Variants in MRPS5 observed in about 807,000 individuals in gnomAD.
MRPS5 encodes the protein small ribosomal subunit protein uS5m.
MRPS5 carries 27 observed loss-of-function variants against 51.9 expected under a neutral mutation model. The observed-to-expected ratio is 0.52, with a 90% CI of 0.38 to 0.72. The LOEUF (loss-of-function observed/expected upper bound fraction) is 0.72. Ranked by LOEUF, MRPS5 falls within the 30% of genes least tolerant of loss-of-function variation. The pLI is 0.00. For missense variants in MRPS5, 570 were observed against 545.7 expected, an observed-to-expected ratio of 1.04 and a Z score of -0.44; for synonymous variants, 196 against 193.2, an observed-to-expected ratio of 1.01 and a Z score of -0.12.
At chr2:95,097,950 C>G (rs567959169) in intron 10 of MRPS5, among the ~76,000 whole-genome samples, 2 of 152,316 alleles carry the variant, frequency 1.3e-5, no homozygotes, top group South Asian at 4.1e-4. Context: ...ATCTACCCAT[C>G]TGACAAAAGG....
intron 5 of MRPS5, among the ~76,000 whole-genome samples, chr2:95,107,521 G>T (rs1345878887): frequency 2.6e-5 from 4 of 152,126 alleles, no homozygotes; most frequent in Admixed American, 6.6e-5. Context: ...CCTCCTGACT[G>T]AAGCATTTTG....
intron 10 of MRPS5, chr2:95,092,969 G>C (rs1203976109): frequency 6.6e-6 from 1 of 152,254 alleles, no homozygotes; most frequent in African/African-American, 2.4e-5. Context: ...AGCTGTGACA[G>C]ACTGTACCGG....
chr2:95,113,833 A>G (rs916849483), intron 3 of MRPS5, among the ~76,000 whole-genome samples: 1 of 152,046 alleles, frequency 6.6e-6, no homozygotes, highest in Non-Finnish European at 1.5e-5. Flanking sequence ...CATTAAAAAA[A>G]GCAGAAGGCC....
At chr2:95,121,541 G>A (rs1374984649) in intron 1 of MRPS5, among the ~76,000 whole-genome samples, 193 bp downstream of exon 1, 1 of 152,192 alleles carries the variant, frequency 6.6e-6, no homozygotes, top group Non-Finnish European at 1.5e-5. Context: ...TTACAGACAA[G>A]AGCTCCGCGA....
intron 2 of MRPS5, among the ~76,000 whole-genome samples, chr2:95,115,456 C>T (rs1676258553): frequency 6.6e-6 from 1 of 152,160 alleles, no homozygotes; most frequent in African/African-American, 2.4e-5. Flanking sequence ...CAGATTTGTC[C>T]ATACCGCAGT....
At chr2:95,112,479 T>C (rs1420740984) in intron 3 of MRPS5, among the ~76,000 whole-genome samples, 1 of 152,226 alleles carries the variant, frequency 6.6e-6, no homozygotes, top group Non-Finnish European at 1.5e-5. Context: ...GATTGCTAAT[T>C]TGAATCAAAG....
chr2:95,088,975 G>A (rs541169451), intron 11 of MRPS5, among the ~76,000 whole-genome samples: 104 of 152,242 alleles, frequency 6.8e-4, no homozygotes, highest in African/African-American at 1.9e-3. Context: ...GCTGAGGCAG[G>A]AGAATCGCTT....
chr2:95,090,728 A>G, intron 10 of MRPS5: 1 of 545,768 alleles, frequency 1.8e-6, no homozygotes, highest in South Asian at 2.5e-5. Context: ...AAGGATTAAG[A>G]AGATGACATC....
chr2:95,101,898 A>C, intron 7 of MRPS5, 175 bp from the exon 8 acceptor site: 1 of 572,056 alleles, frequency 1.7e-6, no homozygotes, highest in Non-Finnish European at 3.1e-6. Context: ...TCACATCCGT[A>C]ATCTCAGCAC....
intron 11 of MRPS5, among the ~76,000 whole-genome samples, chr2:95,089,507 T>C (rs1377339743): frequency 1.3e-5 from 2 of 152,118 alleles, no homozygotes; most frequent in Non-Finnish European, 2.9e-5. Context: ...TGCCCAAGAA[T>C]GGGGGCCCGG....
intron 3 of MRPS5, among the ~76,000 whole-genome samples, chr2:95,111,829 G>A (rs1676129677): frequency 6.6e-6 from 1 of 151,978 alleles, no homozygotes; most frequent in Non-Finnish European, 1.5e-5. Context: ...ATTACATTGT[G>A]AGTCTTTTCC....
intron 2 of MRPS5, among the ~76,000 whole-genome samples, chr2:95,117,509 G>A (rs1175233592): frequency 6.7e-6 from 1 of 148,824 alleles, no homozygotes; most frequent in Non-Finnish European, 1.5e-5. Flanking sequence ...CAGGGACAAT[G>A]AAGAGTTAAA....
At chr2:95,104,411 T>C (rs1675889040) in intron 7 of MRPS5, 3 of 555,442 alleles carry the variant, frequency 5.4e-6, no homozygotes, top group Admixed American at 3.1e-5. Flanking sequence ...CCTTTTATAA[T>C]ATTCCTTTTC....
intron 5 of MRPS5, 121 bp downstream of exon 5, chr2:95,108,054 A>T: frequency 1.3e-6 from 1 of 770,678 alleles, no homozygotes; most frequent in Non-Finnish European, 2.1e-6. Context: ...TATTTCAAAG[A>T]TGTTCAAATC....
At chr2:95,116,106 A>T (rs1221761084) in intron 2 of MRPS5, among the ~76,000 whole-genome samples, 1 of 151,904 alleles carries the variant, frequency 6.6e-6, no homozygotes, top group Non-Finnish European at 1.5e-5. Context: ...GGGTTTCACC[A>T]TGGTGGCCAG....
At chr2:95,099,907 T>C (rs1181153987) in intron 10 of MRPS5, among the ~76,000 whole-genome samples, 1 of 152,240 alleles carries the variant, frequency 6.6e-6, no homozygotes, top group Admixed American at 6.5e-5. Context: ...CATTTTTTAC[T>C]GTAGAACTAC....
chr2:95,118,943 G>C (rs1676365638), intron 1 of MRPS5, among the ~76,000 whole-genome samples: 1 of 152,068 alleles, frequency 6.6e-6, no homozygotes, highest in East Asian at 1.9e-4. Flanking sequence ...TTTTGCAATG[G>C]CTTCTTAGAT....
At chr2:95,096,929 T>C (rs563645310) in intron 10 of MRPS5, among the ~76,000 whole-genome samples, 18 of 152,164 alleles carry the variant, frequency 1.2e-4, no homozygotes, top group Non-Finnish European at 2.2e-4. Flanking sequence ...TGATTGTGTA[T>C]TTAGAAAACC....
At chr2:95,100,786 T>C in intron 9 of MRPS5, 51 bp downstream of exon 9, 1 of 1,376,212 alleles carries the variant, frequency 7.3e-7, no homozygotes, top group Non-Finnish European at 1.0e-6. Flanking sequence ...ACACAGACTT[T>C]AACAAATGTA....
Sources: gnomAD v4.1 joint callset for allele counts (sites outside exome capture counted in the v4.1 genomes callset) on GRCh38, gnomAD v4.1.1 for gene constraint, MANE v1.5 for transcripts, NCBI Gene and HGNC (gene_info 2026-07-23, HGNC 2026-07-21) for gene names.